The following GDAP1 variants were observed in gnomAD, a reference collection of about 807,000 sequenced individuals.
GDAP1 encodes ganglioside-induced differentiation-associated protein 1.
Under a neutral mutation model 40.1 loss-of-function variants are expected in GDAP1, and 34 were observed. The ratio of observed to expected loss-of-function variants is 0.85; its 90% confidence interval spans 0.64 to 1.13. GDAP1 has a LOEUF of 1.13. Among genes scored for constraint, GDAP1 ranks in the 50% most tolerant of loss-of-function variants. The pLI is 0.00. For missense variants in GDAP1, 374 were observed against 433.7 expected (o/e 0.86, Z 1.22); for synonymous variants, 170 against 157.4 (o/e 1.08, Z -0.60).
At chr8:74,469,597 G>A (rs1333686186) in intron 2 of GDAP1, among the ~76,000 whole-genome samples, 8 of 151,622 alleles carry the variant, frequency 5.3e-5, no homozygotes, top group Non-Finnish European at 7.4e-5. Context: ...GAACCCCGGG[G>A]AGCGGAGCTT....
intron 2 of GDAP1, among the ~76,000 whole-genome samples, chr8:74,355,665 A>T (rs1433561734): frequency 6.6e-6 from 1 of 152,192 alleles, no homozygotes; most frequent in Non-Finnish European, 1.5e-5. Flanking sequence ...TTTAAATAAA[A>T]TTTAACTTGG....
At chr8:74,435,379 T>G (rs1806076169) in intron 2 of GDAP1, among the ~76,000 whole-genome samples, 1 of 152,196 alleles carries the variant, frequency 6.6e-6, no homozygotes, top group South Asian at 2.1e-4. Flanking sequence ...AACACACTAG[T>G]ATGCGCATTT....
intron 2 of GDAP1, among the ~76,000 whole-genome samples, chr8:74,357,702 C>G (rs546921709): frequency 1.5e-3 from 228 of 152,254 alleles, no homozygotes; most frequent in Non-Finnish European, 2.6e-3. Flanking sequence ...TCCACTGTTG[C>G]AATCCCACTC....
chr8:74,372,341 C>T (rs985468360), intron 2 of GDAP1, among the ~76,000 whole-genome samples: 2 of 152,190 alleles, frequency 1.3e-5, no homozygotes, highest in African/African-American at 2.4e-5. Flanking sequence ...GAGGAATCAC[C>T]ACACTGTCTT....
chr8:74,419,756 T>C (rs1379279288), intron 2 of GDAP1, among the ~76,000 whole-genome samples: 1 of 152,192 alleles, frequency 6.6e-6, no homozygotes, highest in Admixed American at 6.5e-5. Flanking sequence ...TTAAGAATTA[T>C]CTCTGTTTTC....
At chr8:74,386,856 T>G (rs1452909971) in intron 2 of GDAP1, among the ~76,000 whole-genome samples, 1 of 152,194 alleles carries the variant, frequency 6.6e-6, no homozygotes, top group East Asian at 1.9e-4. Context: ...CTCTCTTATT[T>G]CCCTGAGCAG....
chr8:74,436,377 A>T (rs1806088404), intron 2 of GDAP1, among the ~76,000 whole-genome samples: 2 of 151,234 alleles, frequency 1.3e-5, no homozygotes, highest in South Asian at 4.2e-4. Flanking sequence ...TAAACTTTTG[A>T]TGCAGAAATC....
rs116032321 is a variant in GDAP1, at chr8:74,407,396, C to G, written c.165+56075C>G. The stretch of plus-strand genomic sequence containing the variant: ...GAGAGACAGGCCCACCCTCAATCTG[C>G]GTGGGTACCATCTAACTGGCTACCA... On this transcript the variant is annotated intron_variant, in intron 2 of 2. Transcript: ENST00000523640. Among the ~76,000 whole-genome samples the G allele has an allele frequency of 6.1e-3, 916 of 149,934 alleles. 96 individuals carry two copies. The highest frequency in any genetic ancestry group is 0.022 in the African/African-American group (854 of 39,322).
intron 1 of GDAP1, 138 bp downstream of exon 1, chr8:74,350,716 C>G: frequency 1.4e-6 from 1 of 727,652 alleles, no homozygotes; most frequent in Non-Finnish European, 2.5e-6. Context: ...GGCGCTCCCT[C>G]CAGGCGGGGA....
rs59859267 is a variant in GDAP1 at position 74,404,973 on chromosome 8, A to G, written c.165+53652A>G. 4.7e-3 allele frequency among the ~76,000 whole-genome samples: 701 copies of G among 150,062 alleles called. 70 individuals carry two copies. The highest frequency in any genetic ancestry group is 0.015 in the African/African-American group (602 of 39,390). ...AAATTCCTTCTAGATTACTTATAAT[A>G]CCTAATACAATGTAAATTATATTAT... On this transcript the variant is annotated intron_variant, in intron 2 of 2. Transcript: ENST00000523640.
intron 2 of GDAP1, among the ~76,000 whole-genome samples, chr8:74,410,055 G>T (rs575488126): frequency 6.7e-6 from 1 of 149,926 alleles, no homozygotes; most frequent in South Asian, 2.1e-4. Context: ...CCCCAGTTCT[G>T]TATAAGTGCA....
chr8:74,473,307 C>A (rs941197683), intron 2 of GDAP1, among the ~76,000 whole-genome samples: 6 of 152,050 alleles, frequency 3.9e-5, no homozygotes, highest in Non-Finnish European at 7.4e-5. Flanking sequence ...TAATTAGATA[C>A]CATTTGTCAA....
At chr8:74,476,644 G>T (rs1488829996) in intron 2 of GDAP1, among the ~76,000 whole-genome samples, 1 of 152,198 alleles carries the variant, frequency 6.6e-6, no homozygotes, top group Non-Finnish European at 1.5e-5. Flanking sequence ...TTTCTGCTGA[G>T]AGGTCTACTG....
Position 74,363,977 on chromosome 8 carries a change from CTAAT to C in GDAP1, c.695-5_695-2del. ...CCTCTAATTCTCTATGTCCCTTTCT[CTAAT>C]TAGAAGAGGGCCAGCAACCTTGGCT... is the stretch of plus-strand genomic sequence containing the variant. On this transcript the variant is annotated splice_polypyrimidine_tract_variant and splice_region_variant and intron_variant, in intron 5 of 5. Transcript: ENST00000220822. 1 of 1,613,406 alleles carries C rather than the reference CTAAT, an allele frequency of 6.2e-7. No individual in the cohort carries two copies. Among genetic ancestry groups the C allele is most frequent in the Admixed American group, 1.7e-5 (1 of 60,022 alleles).
At chr8:74,482,590 A>C (rs961529976) in intron 2 of GDAP1, among the ~76,000 whole-genome samples, 1 of 152,204 alleles carries the variant, frequency 6.6e-6, no homozygotes, top group Non-Finnish European at 1.5e-5. Context: ...ATATGGACAC[A>C]TCCAAAAGTA....
intron 2 of GDAP1, among the ~76,000 whole-genome samples, chr8:74,472,500 G>A (rs1178469880): frequency 3.9e-5 from 6 of 152,020 alleles, no homozygotes; most frequent in African/African-American, 1.4e-4. Context: ...TTAGCTTTTT[G>A]AGCAATTGCC....
In GDAP1 at chr8:74,364,352, A is replaced by T. The variant is rs757607617; in HGVS notation, c.1062A>T (p.Arg354Ser). Residue 354 changes from arginine (R) to serine (S), a missense_variant, in exon 6 of 6, where the codon AGA becomes AGT. Arg to Ser is a moderately radical substitution (Grantham distance 110). Coordinates refer to ENST00000220822, the MANE Select transcript of GDAP1 (RefSeq NM_018972.4). ...GCATGATATTAGCATTTAGACCCAG[A>T]CCAAATTATTTCTAGGTTTGTTGGG... is the stretch of plus-strand genomic sequence containing the variant. ...LGSMILAFRP[R>S]PNYF 5.0e-6 allele frequency: 8 copies of T among 1,613,754 alleles called. No individual in the cohort carries two copies. In the South Asian group the frequency reaches 7.7e-5, roughly 16 times the overall value.
intron 2 of GDAP1, among the ~76,000 whole-genome samples, chr8:74,479,030 T>C (rs1185626746): frequency 1.3e-5 from 2 of 152,132 alleles, no homozygotes; most frequent in African/African-American, 4.8e-5. Flanking sequence ...AGTGCACCAG[T>C]CTTTCTGATG....
At chr8:74,394,899 A>C (rs10088787) in intron 2 of GDAP1, among the ~76,000 whole-genome samples, 1,786 of 152,308 alleles carry the variant, frequency 0.012, 22 homozygotes, top group African/African-American at 0.041. Flanking sequence ...TGTGAAACCC[A>C]AAGTGGAGCA....
Sources: gnomAD v4.1 joint callset for allele counts (sites outside exome capture counted in the v4.1 genomes callset) on GRCh38, gnomAD v4.1.1 for gene constraint, MANE v1.5 for transcripts, NCBI Gene and HGNC (gene_info 2026-07-23, HGNC 2026-07-21) for gene names.